SLC26A5: variants seen among roughly 807,000 people sequenced by gnomAD.
The protein encoded by SLC26A5 is solute carrier family 26 member 5, also known as prestin.
In SLC26A5, 51 loss-of-function variants were observed where a neutral mutation model predicts 81.0. The ratio of observed to expected loss-of-function variants is 0.63; its 90% CI spans 0.50 to 0.80. The LOEUF (loss-of-function observed/expected upper bound fraction) is 0.80. Ranked by LOEUF, SLC26A5 falls within the 30% of genes least tolerant of loss-of-function variation. SLC26A5 has a pLI of 0.00. For synonymous variants in SLC26A5, 325 were observed against 332.8 expected (o/e 0.98, Z 0.25); for missense variants, 771 against 905.8 (o/e 0.85, Z 1.91).
chr7:103,409,849 AG>A (rs1320218218), intron 7 of SLC26A5, among the ~76,000 whole-genome samples: 1 of 151,984 alleles, frequency 6.6e-6, no homozygotes, highest in Admixed American at 6.6e-5. Flanking sequence ...CTGGGATCAC[AG>A]GTGCCCGCCA....
chr7:103,405,347 T>C (rs1018647904), intron 8 of SLC26A5, among the ~76,000 whole-genome samples: 3 of 152,230 alleles, frequency 2.0e-5, no homozygotes, highest in African/African-American at 7.2e-5. Context: ...TTGCTCTTGG[T>C]GACCTTCGGA....
intron 4 of SLC26A5, among the ~76,000 whole-genome samples, chr7:103,413,990 C>A (rs1360680323): frequency 6.6e-6 from 1 of 151,810 alleles, no homozygotes; most frequent in Non-Finnish European, 1.5e-5. Flanking sequence ...ATCACTATCA[C>A]CCAAAGTCCA....
At chr7:103,376,082 C>CT (rs1246722608) in intron 19 of SLC26A5, among the ~76,000 whole-genome samples, 82 of 146,626 alleles carry the variant, frequency 5.6e-4, no homozygotes, top group Admixed American at 1.5e-3. Flanking sequence ...CATTTTCTTT[C>CT]TTTTTTTTTT....
chr7:103,439,169 C>T (rs1212596656), intron 2 of SLC26A5, among the ~76,000 whole-genome samples: 1 of 152,142 alleles, frequency 6.6e-6, no homozygotes, highest in Admixed American at 6.5e-5. Context: ...GACTTATCTT[C>T]AGGGCAACAA....
intron 10 of SLC26A5, among the ~76,000 whole-genome samples, chr7:103,392,512 C>T (rs892938853): frequency 6.6e-6 from 1 of 152,232 alleles, no homozygotes; most frequent in Admixed American, 6.5e-5. Context: ...ACATCAATCA[C>T]CAGTACAAAA....
intron 16 of SLC26A5, 41 bp downstream of exon 16, chr7:103,379,202 C>T (rs766332338): frequency 7.0e-7 from 1 of 1,438,038 alleles, no homozygotes; most frequent in Non-Finnish European, 9.8e-7. Flanking sequence ...TGTCAACCCA[C>T]AAATCCCATC....
At chr7:103,401,474 G>A (rs1212707513) in intron 8 of SLC26A5, among the ~76,000 whole-genome samples, 1 of 152,064 alleles carries the variant, frequency 6.6e-6, no homozygotes, top group South Asian at 2.1e-4. Context: ...TGATACGAAG[G>A]GTTTTTCTAA....
At chr7:103,428,545 T>C (rs1277378677) in intron 2 of SLC26A5, among the ~76,000 whole-genome samples, 1 of 149,950 alleles carries the variant, frequency 6.7e-6, no homozygotes, top group African/African-American at 2.5e-5. Context: ...ACACAAGGTC[T>C]ACCCTGCCAG....
chr7:103,380,541 T>C lies in SLC26A5; in HGVS notation c.1523A>G (p.Tyr508Cys). The C allele has an allele frequency of 1.9e-6, 3 of 1,613,444 alleles. No individual in the cohort carries two copies. Among genetic ancestry groups the C allele is most frequent in the Non-Finnish European group, 2.5e-6 (3 of 1,179,456 alleles). ...TTCAGGAAGCTTTCCAAGGACTTTG[T>C]AGCTTGGACTGAAGATAAAGAGTGT... ...TVIYRTQSPS[Y>C]KVLGKLPETD... is the part of the protein sequence containing the mutation. Residue 508 changes from tyrosine (Y) to cysteine (C), a missense_variant, in exon 15 of 20, where the codon TAC becomes TGC. By Grantham distance (194) the Tyr-to-Cys change is radical. Coordinates refer to ENST00000306312, the MANE Select transcript of SLC26A5 (RefSeq NM_198999.3).
intron 19 of SLC26A5, chr7:103,368,597 G>GCTT (rs1338680926): frequency 6.6e-6 from 1 of 152,114 alleles, no homozygotes; most frequent in African/African-American, 2.4e-5. Context: ...TTTGGCCAAA[G>GCTT]CTTTTTTAAA....
chr7:103,415,914 A>C (rs897861876), intron 4 of SLC26A5, among the ~76,000 whole-genome samples: 2 of 152,118 alleles, frequency 1.3e-5, no homozygotes, highest in South Asian at 2.1e-4. Flanking sequence ...AAGTCCTATT[A>C]GATGTATGAT....
intron 2 of SLC26A5, among the ~76,000 whole-genome samples, chr7:103,429,813 C>A (rs1197788185): frequency 6.6e-6 from 1 of 152,214 alleles, no homozygotes; most frequent in Admixed American, 6.5e-5. Flanking sequence ...CATTTGTTGG[C>A]TGAATGATCT....
chr7:103,368,196 G>T, intron 19 of SLC26A5: 1 of 764,772 alleles, frequency 1.3e-6, no homozygotes, highest in Non-Finnish European at 2.0e-6. Context: ...AATAAAAGGT[G>T]ATTTCTAATG....
chr7:103,375,881 G>A (rs1821320129), intron 19 of SLC26A5, among the ~76,000 whole-genome samples: 1 of 151,704 alleles, frequency 6.6e-6, no homozygotes. Flanking sequence ...TCAGCCTTCC[G>A]AGTAGCTGGG....
intron 14 of SLC26A5, among the ~76,000 whole-genome samples, chr7:103,387,985 C>T (rs1197162328): frequency 1.3e-5 from 2 of 152,004 alleles, no homozygotes; most frequent in Admixed American, 1.3e-4. Context: ...CCTGGCCAGT[C>T]CAGGCTATTT....
intron 5 of SLC26A5, among the ~76,000 whole-genome samples, 158 bp from the exon 6 acceptor site, chr7:103,411,744 G>A (rs1473872302): frequency 1.3e-5 from 2 of 152,198 alleles, no homozygotes; most frequent in African/African-American, 2.4e-5. Flanking sequence ...ATGAGCAACC[G>A]TGTGTGTGCG....
Position 103,377,647 on chromosome 7 carries a change from G to A in SLC26A5, c.1938C>T (p.Phe646=). 1.2e-6 allele frequency: 2 copies of A among 1,614,092 alleles called. No homozygotes were observed. Among genetic ancestry groups the A allele is most frequent in the Non-Finnish European group, 1.7e-6 (2 of 1,180,008 alleles). The part of the protein sequence containing the change: ...GDNVHTVILD[F]TQVNFIDSVG... ...CAGAATCAATAAAATTGACTTGAGT[G>A]AAATCCAAAATGACAGTGTGGACGT... The change falls in exon 18 of 20, where the codon TTC becomes TTT. Residue 646 remains phenylalanine, a synonymous_variant. Transcript: ENST00000306312.
chr7:103,444,963 G>A (rs6957350), intron 1 of SLC26A5, among the ~76,000 whole-genome samples: 59,126 of 152,046 alleles, frequency 0.39, 15,590 homozygotes, highest in African/African-American at 0.74. Context: ...TTGATACTTC[G>A]TATTGCATAC....
intron 4 of SLC26A5, among the ~76,000 whole-genome samples, chr7:103,417,368 CAAA>C (rs527355678): frequency 3.0e-5 from 2 of 65,826 alleles, no homozygotes; most frequent in African/African-American, 4.9e-5. Context: ...GACTCTGTCT[CAAA>C]AAAAAAAAAA....
Sources: gnomAD v4.1 joint callset for allele counts (sites outside exome capture counted in the v4.1 genomes callset) on GRCh38, gnomAD v4.1.1 for gene constraint, MANE v1.5 for transcripts, NCBI Gene and HGNC (gene_info 2026-07-23, HGNC 2026-07-21) for gene names.